Variants in MROH9 observed in about 807,000 individuals in gnomAD.
MROH9 encodes the protein maestro heat like repeat family member 9, also known as maestro heat-like repeat-containing protein family member 9.
Under a neutral mutation model 98.2 loss-of-function variants are expected in MROH9, and 92 were observed. The ratio of observed to expected loss-of-function variants is 0.94; its 90% CI spans 0.79 to 1.11. MROH9 has a LOEUF of 1.11. Ranked by LOEUF, MROH9 falls within the 50% of genes most tolerant of loss-of-function variation. MROH9 has a pLI of 0.00. For missense variants in MROH9, 1,057 were observed against 1,014.8 expected, an observed-to-expected ratio of 1.04 and a Z score of -0.57; for synonymous variants, 397 against 368.9, an observed-to-expected ratio of 1.08 and a Z score of -0.87.
chr1:171,061,743 A>G (rs1654022628), intron 20 of MROH9, among the ~76,000 whole-genome samples: 1 of 152,212 alleles, frequency 6.6e-6, no homozygotes, highest in Admixed American at 6.5e-5. Context: ...ATGAAAGAAC[A>G]TGGTTGAATC....
Position 170,971,814 on chromosome 1 carries a change from G to T in MROH9, c.547G>T (p.Asp183Tyr). 2 of 1,614,028 alleles carry T rather than the reference G, an allele frequency of 1.2e-6. No homozygotes were observed. The highest frequency in any genetic ancestry group is 8.5e-7 in the Non-Finnish European group (1 of 1,179,930). ...GCTGTCTCTTTTGTGTTCCCATGAA[G>T]ATCCCTCGATTGTAAAACAAGCATC... ...AELSLLCSHE[D>Y]PSIVKQASLG... The change falls in exon 8 of 22, where the codon GAT becomes TAT. Residue 183 changes from aspartate to tyrosine, a missense_variant. Asp to Tyr is a radical substitution (Grantham distance 160, BLOSUM62 -3). Coordinates refer to ENST00000367759, the MANE Select transcript of MROH9 (RefSeq NM_001163629.2).
chr1:170,988,723 G>A (rs982373732), intron 10 of MROH9, among the ~76,000 whole-genome samples: 1 of 152,110 alleles, frequency 6.6e-6, no homozygotes, highest in African/African-American at 2.4e-5. Context: ...CCCCCAAATT[G>A]CATATACAGT....
At chr1:170,939,549 T>C (rs34670075) in intron 1 of MROH9, among the ~76,000 whole-genome samples, 20,616 of 152,224 alleles carry the variant, frequency 0.14, 1,906 homozygotes, top group East Asian at 0.45. Flanking sequence ...TGCAGGCTAA[T>C]AAAGAGAAGG....
At chr1:170,993,642 AAG>A (rs1651448229) in intron 12 of MROH9, among the ~76,000 whole-genome samples, 1 of 152,326 alleles carries the variant, frequency 6.6e-6, no homozygotes, top group Admixed American at 6.5e-5. Context: ...CAAACCATAA[AAG>A]AATTTCAAAA....
chr1:170,957,785 G>A (rs1432841481), intron 3 of MROH9, among the ~76,000 whole-genome samples: 2 of 141,102 alleles, frequency 1.4e-5, no homozygotes, highest in African/African-American at 5.5e-5. Context: ...TGCCCTGCTG[G>A]CATTTTTTTG....
chr1:171,037,271 G>T (rs1312114445), intron 20 of MROH9, among the ~76,000 whole-genome samples: 1 of 151,030 alleles, frequency 6.6e-6, no homozygotes, highest in Non-Finnish European at 1.5e-5. Context: ...AAAAAGAGAG[G>T]GAGGGAGAAA....
chr1:170,945,710 T>A (rs902290742), intron 2 of MROH9, 129 bp downstream of exon 2: 22 of 739,226 alleles, frequency 3.0e-5, no homozygotes, highest in Middle Eastern at 2.5e-4. Flanking sequence ...TGTACCTTTT[T>A]TCCCTAATGC....
At chr1:171,015,873 C>T in intron 16 of MROH9, among the ~76,000 whole-genome samples, 1 of 152,050 alleles carries the variant, frequency 6.6e-6, no homozygotes, top group Non-Finnish European at 1.5e-5. Context: ...ACACAATGCC[C>T]ATGAATAACC....
intron 7 of MROH9, among the ~76,000 whole-genome samples, chr1:170,968,375 A>C (rs17621703): frequency 0.08 from 12,172 of 152,240 alleles, 627 homozygotes; most frequent in Non-Finnish European, 0.11. Flanking sequence ...AGAGTCTTGC[A>C]TTCTGTCTAG....
intron 10 of MROH9, among the ~76,000 whole-genome samples, chr1:170,988,840 A>T (rs778923799): frequency 6.6e-6 from 1 of 152,182 alleles, no homozygotes; most frequent in African/African-American, 2.4e-5. Flanking sequence ...AAATTTCTAT[A>T]ATTAAGCACC....
intron 17 of MROH9, among the ~76,000 whole-genome samples, chr1:171,017,504 G>A (rs1652366536): frequency 6.6e-6 from 1 of 152,240 alleles, no homozygotes; most frequent in Non-Finnish European, 1.5e-5. Context: ...CAGCCACTAA[G>A]CTAGAATCTG....
chr1:170,996,246 C>T (rs1309222164), intron 13 of MROH9, among the ~76,000 whole-genome samples: 1 of 152,112 alleles, frequency 6.6e-6, no homozygotes, highest in Non-Finnish European at 1.5e-5. Context: ...TTATCTATTG[C>T]AAATAAGCTA....
intron 7 of MROH9, 27 bp from the exon 8 acceptor site, chr1:170,971,721 G>T: frequency 6.2e-7 from 1 of 1,612,822 alleles, no homozygotes; most frequent in Non-Finnish European, 8.5e-7. Flanking sequence ...CATAGCAAAT[G>T]CATGTTCTCC....
chr1:171,049,320 C>A (rs1050435673), intron 20 of MROH9, among the ~76,000 whole-genome samples: 1 of 152,100 alleles, frequency 6.6e-6, no homozygotes, highest in Non-Finnish European at 1.5e-5. Flanking sequence ...CTACCCCCAC[C>A]CCCAGCCCCA....
intron 15 of MROH9, among the ~76,000 whole-genome samples, chr1:171,013,819 G>A (rs528628784): frequency 3.3e-5 from 5 of 151,020 alleles, no homozygotes; most frequent in Admixed American, 2.6e-4. Context: ...AGTATGATGG[G>A]GAAATTTAAA....
intron 9 of MROH9, among the ~76,000 whole-genome samples, chr1:170,984,869 T>C (rs1049035511): frequency 1.3e-5 from 2 of 151,908 alleles, no homozygotes; most frequent in African/African-American, 4.8e-5. Context: ...AACAGGTAAA[T>C]TGAGAGAATA....
At position 170,971,831 on chromosome 1, in the gene MROH9, A is replaced by C; in HGVS notation, c.564A>C (p.Lys188Asn). 1 of 1,614,046 alleles carries C rather than the reference A, an allele frequency of 6.2e-7. No homozygotes were observed. Among genetic ancestry groups the C allele is most frequent in the South Asian group, 1.1e-5 (1 of 91,078 alleles). Residue 188 changes from lysine (K) to asparagine (N), a missense_variant, in exon 8 of 22, where the codon AAA becomes AAC. Physicochemically the swap from Lys to Asn is moderately conservative, Grantham distance 94. Transcript: ENST00000367759. ...LCSHEDPSIV[K>N]QASLGMCHLL... ...CCCATGAAGATCCCTCGATTGTAAA[A>C]CAAGCATCATTGGGAATGTGTCACC...
chr1:171,012,734 A>T (rs1652200109), intron 15 of MROH9, among the ~76,000 whole-genome samples: 1 of 152,012 alleles, frequency 6.6e-6, no homozygotes, highest in African/African-American at 2.4e-5. Context: ...CGATCTTCTG[A>T]CATCATGATC....
chr1:170,953,851 AAG>A (rs1479053088), intron 3 of MROH9, among the ~76,000 whole-genome samples: 14 of 109,896 alleles, frequency 1.3e-4, no homozygotes, highest in Admixed American at 2.7e-4. Context: ...GGAAGGAAGA[AAG>A]AGAAAGAAAG....
Sources: allele counts gnomAD v4.1 joint callset (sites outside exome capture counted in the v4.1 genomes callset), GRCh38; gene constraint gnomAD v4.1.1; transcripts MANE v1.5; gene names NCBI Gene and HGNC (gene_info 2026-07-23, HGNC 2026-07-21).